The following KCNQ1 variants were observed in gnomAD, a reference collection of about 807,000 sequenced individuals.
KCNQ1 encodes potassium voltage-gated channel subfamily Q member 1, also known as potassium voltage-gated channel subfamily KQT member 1.
KCNQ1 carries 49 observed loss-of-function variants against 72.4 expected under a neutral mutation model. That is an observed-to-expected ratio of 0.68 (90% CI 0.54 to 0.86). The LOEUF is 0.86. Among genes scored for constraint, KCNQ1 ranks in the 40% least tolerant of loss-of-function variants. The pLI is 0.00. For missense variants in KCNQ1, 790 were observed against 945.1 expected, an observed-to-expected ratio of 0.84 and a Z score of 2.15; for synonymous variants, 450 against 412.6, an observed-to-expected ratio of 1.09 and a Z score of -1.10.
In KCNQ1 at chr11:2,652,553, T is replaced by G. The variant is rs1449493678; in HGVS notation, c.1394-9408T>G. The G allele has an allele frequency of 5.0e-6, 2 of 398,458 alleles. No individual in the cohort carries two copies. The highest frequency in any genetic ancestry group is 4.1e-5 in the African/African-American group (2 of 48,616). The allele number at this position is 398,458 out of a possible 1,614,324, so 24.7% of individuals were successfully genotyped here. A position where few individuals can be genotyped will look rare whatever the true frequency, so the allele number is the denominator to read the frequency against. On this transcript the variant is annotated intron_variant, in intron 10 of 15. Transcript: ENST00000155840. The surrounding 1 kb of genome is among the most constrained non-coding windows in gnomAD (Gnocchi z 5.9). ...GGAGAAGATAGTGCTTAACCCAGAT[T>G]CCATTGTATATTAAAGTTTCCTAGG...
chr11:2,489,536 T>TGG (rs146607573), intron 1 of KCNQ1, among the ~76,000 whole-genome samples: 1 of 151,522 alleles, frequency 6.6e-6, no homozygotes, highest in South Asian at 2.1e-4. Flanking sequence ...CCAGTGGATG[T>TGG]GGGGGGCACA....
intron 10 of KCNQ1, among the ~76,000 whole-genome samples, chr11:2,607,096 G>A (rs909103770): frequency 6.6e-6 from 1 of 151,474 alleles, no homozygotes; most frequent in East Asian, 1.9e-4. Context: ...GTAAAGACGG[G>A]GTTTCACCAT....
intron 11 of KCNQ1, among the ~76,000 whole-genome samples, chr11:2,733,850 T>TCG (rs1337843097): frequency 1.1e-3 from 39 of 36,582 alleles, no homozygotes; most frequent in African/African-American, 7.6e-3. Flanking sequence ...TCTCTCTCTC[T>TCG]CTCTCTCCCC....
chr11:2,662,767 G>C (rs1011184767), intron 11 of KCNQ1: 1 of 399,116 alleles, frequency 2.5e-6, no homozygotes, highest in African/African-American at 2.1e-5. Flanking sequence ...AACCCGTTGG[G>C]GATTCCCCTT....
rs184426526 is a variant in KCNQ1, at chr11:2,768,115, G to A, written c.1515-729G>A. On this transcript the variant is annotated intron_variant, in intron 11 of 15. Coordinates refer to ENST00000155840, the MANE Select transcript of KCNQ1 (RefSeq NM_000218.3). The surrounding 1 kb of genome is among the most constrained non-coding windows in gnomAD (Gnocchi z 6.7). ...CTTGCTGTTGGCATCACTTAGTCTC[G>A]CAGTCCCTGGTGTTTCCATCAGGAA... 2.0e-5 allele frequency among the ~76,000 whole-genome samples: 3 copies of A among 152,280 alleles called. No individual in the cohort carries two copies. Among genetic ancestry groups the A allele is most frequent in the East Asian group, 3.9e-4 (2 of 5,176 alleles).
At chr11:2,793,618 T>C (rs1482039071) in intron 15 of KCNQ1, among the ~76,000 whole-genome samples, 3 of 152,102 alleles carry the variant, frequency 2.0e-5, no homozygotes, top group Non-Finnish European at 2.9e-5. Context: ...AGTGAGATCC[T>C]ATCTCTAAAA....
rs1299213230 is a variant in KCNQ1 at position 2,579,928 on chromosome 11, C to G, written c.922-3507C>G. ...GCTACCTCACCTGCTCACCTGACCC[C>G]AACTCCACTCTGACTTCCAGGCCAG... On this transcript the variant is annotated intron_variant, in intron 6 of 15. Transcript: ENST00000155840. This position sits in a 1 kb window ranked among gnomAD's most constrained non-coding sequence, Gnocchi z 6.0. Among the ~76,000 whole-genome samples, 1 of 152,174 alleles carries G rather than the reference C, an allele frequency of 6.6e-6. No homozygotes were observed. Among genetic ancestry groups the G allele is most frequent in the African/African-American group, 2.4e-5 (1 of 41,432 alleles).
chr11:2,841,404 G>A (rs1265754922), intron 15 of KCNQ1, among the ~76,000 whole-genome samples: 1 of 152,158 alleles, frequency 6.6e-6, no homozygotes, highest in Non-Finnish European at 1.5e-5. Flanking sequence ...ACAGGTTGGG[G>A]GCATAGCCAG....
chr11:2,445,584 C>T (rs1000110709), intron 1 of KCNQ1, 100 bp downstream of exon 1: 13 of 1,376,098 alleles, frequency 9.4e-6, no homozygotes, highest in African/African-American at 2.8e-5. Context: ...GGAGCTGCGA[C>T]CCCGGAGCAG....
intron 2 of KCNQ1, among the ~76,000 whole-genome samples, chr11:2,529,733 T>C (rs1847582020): frequency 6.6e-6 from 1 of 152,094 alleles, no homozygotes; most frequent in Non-Finnish European, 1.5e-5. Flanking sequence ...CGTTTCCAGA[T>C]AAGGGATGCC....
At chr11:2,496,126 A>G (rs1020234543) in intron 1 of KCNQ1, among the ~76,000 whole-genome samples, 1 of 151,956 alleles carries the variant, frequency 6.6e-6, no homozygotes, top group African/African-American at 2.4e-5. Context: ...TCTTAGTTTG[A>G]AGTCTGTTTT....
In KCNQ1 at chr11:2,544,294, G is replaced by A. The variant is rs12798902; in HGVS notation, c.477+16276G>A. The stretch of plus-strand genomic sequence containing the variant: ...TGTATATATATGTGTATATATATAT[G>A]TATATATGTGTATATATGTATATAT... On this transcript the variant is annotated intron_variant, in intron 2 of 15. Transcript: ENST00000155840. This position sits in a 1 kb window ranked among gnomAD's most constrained non-coding sequence, Gnocchi z 4.4. 3.7e-5 allele frequency among the ~76,000 whole-genome samples: 4 copies of A among 106,682 alleles called. No individual in the cohort carries two copies. Among genetic ancestry groups the A allele is most frequent in the South Asian group, 3.0e-4 (1 of 3,316 alleles). 70.0% of individuals were successfully genotyped at this position (106,682 alleles called of 152,430 possible). A position where few individuals can be genotyped will look rare whatever the true frequency, so the allele number is the denominator to read the frequency against.
chr11:2,629,707 T>C (rs747595123), intron 10 of KCNQ1: 40 of 398,528 alleles, frequency 1.0e-4, no homozygotes, highest in South Asian at 2.5e-4. Context: ...ATTGTTTTCT[T>C]AATTTGTTTT....
chr11:2,686,030 G>A (rs1036393238), intron 11 of KCNQ1: 10 of 399,088 alleles, frequency 2.5e-5, no homozygotes, highest in Non-Finnish European at 4.0e-5. Flanking sequence ...TCTAAGCCCC[G>A]CCAGCTCGCA....
In KCNQ1 at chr11:2,746,694, C is replaced by T. The variant is rs1846144366; in HGVS notation, c.1515-22150C>T. 6.6e-6 allele frequency among the ~76,000 whole-genome samples: 1 copy of T among 152,240 alleles called. No individual in the cohort carries two copies. The highest frequency in any genetic ancestry group is 1.5e-5 in the Non-Finnish European group (1 of 68,040). ...CCGAGGGCCCATCCTGTCGGTGTGG[C>T]TCGTCATGGGCGATGCTGTCTCTGT... On this transcript the variant is annotated intron_variant, in intron 11 of 15. Transcript: ENST00000155840. The surrounding 1 kb of genome is among the most constrained non-coding windows in gnomAD (Gnocchi z 5.9).
At chr11:2,846,117 G>T (rs910644359) in intron 15 of KCNQ1, among the ~76,000 whole-genome samples, 2 of 152,132 alleles carry the variant, frequency 1.3e-5, no homozygotes, top group Admixed American at 6.5e-5. Flanking sequence ...CTATCCGGCT[G>T]GATCAGCAGT....
chr11:2,844,585 G>A (rs888536320), intron 15 of KCNQ1, among the ~76,000 whole-genome samples: 22 of 152,172 alleles, frequency 1.4e-4, no homozygotes, highest in Non-Finnish European at 2.9e-4. Flanking sequence ...CTCTCTACAC[G>A]GTGCCGGGAC....
chr11:2,497,101 T>C lies in KCNQ1; in HGVS notation c.387-30827T>C, dbSNP rs921215277. On this transcript the variant is annotated intron_variant, in intron 1 of 15. Coordinates refer to ENST00000155840, the MANE Select transcript of KCNQ1 (RefSeq NM_000218.3). The surrounding 1 kb of genome is among the most constrained non-coding windows in gnomAD (Gnocchi z 4.5). ...TTCTCTCTGGCTGCCCTTAACGTTTTGTCCTTCATTTAAACCTTGGAGAAT... is the reference window on the plus strand; with the variant it reads ...TTCTCTCTGGCTGCCCTTAACGTTTCGTCCTTCATTTAAACCTTGGAGAAT... Among the ~76,000 whole-genome samples, 3 of 152,208 alleles carry C rather than the reference T, an allele frequency of 2.0e-5. No individual in the cohort carries two copies. The highest frequency in any genetic ancestry group is 7.2e-5 in the African/African-American group (3 of 41,454).
At chr11:2,814,723 A>C (rs998870316) in intron 15 of KCNQ1, among the ~76,000 whole-genome samples, 11 of 152,166 alleles carry the variant, frequency 7.2e-5, no homozygotes, top group Admixed American at 7.2e-4. Context: ...AAGCACCTCA[A>C]GCAAGGGTGT....
Sources: allele counts gnomAD v4.1 joint callset (sites outside exome capture counted in the v4.1 genomes callset), GRCh38; gene constraint gnomAD v4.1.1; non-coding constraint Gnocchi (gnomAD v3.1); transcripts MANE v1.5; gene names NCBI Gene and HGNC (gene_info 2026-07-23, HGNC 2026-07-21).